ATP8A2: variants seen among roughly 807,000 people sequenced by gnomAD.
The protein encoded by ATP8A2 is phospholipid-transporting ATPase IB.
A neutral mutation model predicts 165.6 loss-of-function variants in ATP8A2; 100 were observed. The ratio of observed to expected loss-of-function variants is 0.60; its 90% CI spans 0.51 to 0.71. The LOEUF is 0.71. ATP8A2 is among the 30% of genes least tolerant of loss of function. The pLI, the probability that ATP8A2 is intolerant of heterozygous loss-of-function variation, is 0.00. For missense variants in ATP8A2, 1,227 were observed against 1,479.5 expected (o/e 0.83, Z 2.80); for synonymous variants, 543 against 548.8 (o/e 0.99, Z 0.15).
intron 1 of ATP8A2, among the ~76,000 whole-genome samples, chr13:25,420,484 AATAG>A (rs1429181594): frequency 6.6e-6 from 1 of 152,272 alleles, no homozygotes; most frequent in African/African-American, 2.4e-5. Flanking sequence ...TACATTGAAC[AATAG>A]ATAGGCTTTT....
intron 1 of ATP8A2, among the ~76,000 whole-genome samples, chr13:25,430,156 C>T (rs1003381059): frequency 1.3e-5 from 2 of 152,088 alleles, no homozygotes; most frequent in African/African-American, 4.8e-5. Flanking sequence ...GTCTAGTAAG[C>T]AGCTATAAAT....
intron 24 of ATP8A2, among the ~76,000 whole-genome samples, chr13:25,637,025 C>T (rs2041384400): frequency 7.7e-6 from 1 of 130,426 alleles, no homozygotes; most frequent in African/African-American, 2.9e-5. Flanking sequence ...GGGAGGTTGA[C>T]ACTGCAATGA....
chr13:25,748,353 C>G (rs1004515362), intron 25 of ATP8A2, among the ~76,000 whole-genome samples: 7 of 152,166 alleles, frequency 4.6e-5, no homozygotes, highest in Admixed American at 3.3e-4. Context: ...TTTTTCTCCT[C>G]AGGACACATC....
At chr13:25,405,510 C>T (rs554593788) in intron 1 of ATP8A2, among the ~76,000 whole-genome samples, 1 of 152,270 alleles carries the variant, frequency 6.6e-6, no homozygotes, top group Non-Finnish European at 1.5e-5. Flanking sequence ...TGTATCCTCC[C>T]TCGCTTCGGA....
intron 2 of ATP8A2, among the ~76,000 whole-genome samples, chr13:25,473,902 GAAAT>G (rs2035917537): frequency 6.6e-6 from 1 of 152,114 alleles, no homozygotes; most frequent in Non-Finnish European, 1.5e-5. Flanking sequence ...GAAAAATCTT[GAAAT>G]AATGTGCTGA....
chr13:25,435,984 AG>A (rs2034763483), intron 1 of ATP8A2, among the ~76,000 whole-genome samples: 1 of 109,286 alleles, frequency 9.2e-6, no homozygotes, highest in African/African-American at 3.1e-5. Context: ...TGTGTGTGTG[AG>A]TGTGTGTATG....
At position 25,813,153 on chromosome 13, in the gene ATP8A2, A is replaced by G. The variant is rs922844077; in HGVS notation, c.2680-14965A>G. Among the ~76,000 whole-genome samples the G allele has an allele frequency of 8.5e-5, 13 of 152,202 alleles. No homozygotes were observed. In the East Asian group the frequency reaches 2.1e-3, roughly 25 times the overall value. ...GGGTTGACAGGTGCAGCAAACCACCATAGCACATGTTTACCTATGTAACAA... is the reference window on the plus strand; with the variant it reads ...GGGTTGACAGGTGCAGCAAACCACCGTAGCACATGTTTACCTATGTAACAA... On this transcript the variant is annotated intron_variant, in intron 27 of 36. Coordinates refer to ENST00000381655, the MANE Select transcript of ATP8A2 (RefSeq NM_016529.6).
intron 24 of ATP8A2, among the ~76,000 whole-genome samples, chr13:25,687,835 G>A (rs1380275284): frequency 1.6e-4 from 25 of 152,212 alleles, no homozygotes; most frequent in Non-Finnish European, 2.9e-5. Flanking sequence ...AGCATTCTAA[G>A]CCTCCTTAAC....
rs1863913451 is a variant in ATP8A2, at chr13:25,525,030, T to G, written c.222-4969T>G. On this transcript the variant is annotated intron_variant, in intron 2 of 36. Transcript: ENST00000381655. The stretch of plus-strand genomic sequence containing the variant: ...AGGTAATAGGTTTTAATTTGTTGCT[T>G]TTTATTTTTGGTGTATCTATTATAG... Among the ~76,000 whole-genome samples, 5 of 151,948 alleles carry G rather than the reference T, an allele frequency of 3.3e-5. No individual in the cohort carries two copies. The South Asian group carries it at 8.3e-4, about 25-fold the overall frequency.
chr13:25,724,421 GACA>G (rs1317137481), intron 25 of ATP8A2, among the ~76,000 whole-genome samples: 1 of 152,200 alleles, frequency 6.6e-6, no homozygotes, highest in African/African-American at 2.4e-5. Context: ...GGGAAGCCTG[GACA>G]ACATTTCCCA....
At chr13:25,444,643 T>TG (rs1555271434) in intron 1 of ATP8A2, among the ~76,000 whole-genome samples, 10 of 152,042 alleles carry the variant, frequency 6.6e-5, no homozygotes, top group South Asian at 4.1e-4. Context: ...CTGTTTTTTT[T>TG]TTTTGTTTTG....
chr13:25,651,688 G>C (rs34260562), intron 24 of ATP8A2, among the ~76,000 whole-genome samples: 55,037 of 151,848 alleles, frequency 0.36, 10,810 homozygotes, highest in Middle Eastern at 0.48. Context: ...CAACCTTTTG[G>C]CTTTGTCCAA....
rs534290288 is a variant in ATP8A2, at chr13:25,372,261, C to T, written c.49C>T (p.Arg17Trp). 2.8e-6 allele frequency: 4 copies of T among 1,439,370 alleles called. No homozygotes were observed. Among genetic ancestry groups the T allele is most frequent in the Admixed American group, 2.5e-5 (1 of 40,462 alleles). The allele number at this position is 1,439,370 out of a possible 1,614,324, so 89.2% of individuals were successfully genotyped here. ...LDKALKMSLPRRSRIRSSVGP... is the reference protein window; with the variant it reads ...LDKALKMSLPWRSRIRSSVGP... ...CAAAGCTCTTAAGATGTCCCTGCCGCGGAGGTCGAGGATCCGCTCGTCCGT... is the reference window on the plus strand; with the variant it reads ...CAAAGCTCTTAAGATGTCCCTGCCGTGGAGGTCGAGGATCCGCTCGTCCGT... The change falls in exon 1 of 37, where the codon CGG (arginine) becomes TGG (tryptophan). Residue 17 changes from arginine (R) to tryptophan (W), a missense_variant. Physicochemically the swap from Arg to Trp is moderately radical, Grantham distance 101. Coordinates refer to ENST00000381655, the MANE Select transcript of ATP8A2 (RefSeq NM_016529.6). The surrounding 1 kb of genome is among the most constrained non-coding windows in gnomAD (Gnocchi z 4.8).
chr13:25,739,103 G>A (rs2043851408), intron 25 of ATP8A2, among the ~76,000 whole-genome samples: 1 of 152,206 alleles, frequency 6.6e-6, no homozygotes, highest in African/African-American at 2.4e-5. Flanking sequence ...CACATCATGG[G>A]ATTTGAGCAG....
rs1173038647 is a variant in ATP8A2 at position 25,839,535 on chromosome 13, T to C, written c.2878-11T>C. ...GGCAGCTCCTGACTCCCTTGGTTTG[T>C]TTTTCCTTAGGTTTTCTGGGGTCAC... On this transcript the variant is annotated splice_polypyrimidine_tract_variant and intron_variant, in intron 29 of 36. Coordinates refer to ENST00000381655, the MANE Select transcript of ATP8A2 (RefSeq NM_016529.6). 1.2e-6 allele frequency: 2 copies of C among 1,612,654 alleles called. No individual in the cohort carries two copies. Among genetic ancestry groups the C allele is most frequent in the East Asian group, 2.2e-5 (1 of 44,874 alleles).
intron 9 of ATP8A2, among the ~76,000 whole-genome samples, chr13:25,542,993 G>C (rs576161858): frequency 6.6e-6 from 1 of 152,078 alleles, no homozygotes; most frequent in East Asian, 1.9e-4. Context: ...TGTTATTTTA[G>C]CAACTTCCTT....
At chr13:25,791,538 CACAT>C (rs199753120) in intron 27 of ATP8A2, among the ~76,000 whole-genome samples, 18 of 125,516 alleles carry the variant, frequency 1.4e-4, no homozygotes, top group African/African-American at 5.8e-4. Context: ...AACACACACA[CACAT>C]ACACACACAC....
intron 25 of ATP8A2, among the ~76,000 whole-genome samples, chr13:25,725,378 T>C (rs1334981652): frequency 6.6e-6 from 1 of 152,226 alleles, no homozygotes; most frequent in African/African-American, 2.4e-5. Flanking sequence ...AATTGACCAT[T>C]GCTCCATTAA....
chr13:25,858,164 A>T (rs1441641346), intron 30 of ATP8A2, among the ~76,000 whole-genome samples: 1 of 152,236 alleles, frequency 6.6e-6, no homozygotes, highest in Non-Finnish European at 1.5e-5. Context: ...AAAGTGTTGC[A>T]CCTGTTAGTA....
Sources: gnomAD v4.1 joint callset for allele counts (sites outside exome capture counted in the v4.1 genomes callset) on GRCh38, gnomAD v4.1.1 for gene constraint, Gnocchi (gnomAD v3.1) non-coding constraint, MANE v1.5 for transcripts, NCBI Gene and HGNC (gene_info 2026-07-23, HGNC 2026-07-21) for gene names.